The following ELL variants were observed in gnomAD, a reference collection of about 807,000 sequenced individuals.
ELL encodes RNA polymerase II elongation factor ELL.
Under a neutral mutation model 64.0 loss-of-function variants are expected in ELL, and 18 were observed. The observed-to-expected ratio is 0.28, with a 90% confidence interval of 0.19 to 0.42. The LOEUF (loss-of-function observed/expected upper bound fraction) is 0.42. ELL is among the 10% of genes least tolerant of loss of function. The pLI, the probability that ELL is intolerant of heterozygous loss-of-function variation, is 1.00. For synonymous variants in ELL, 399 were observed against 376.2 expected, an observed-to-expected ratio of 1.06 and a Z score of -0.70; for missense variants, 797 against 870.4, an observed-to-expected ratio of 0.92 and a Z score of 1.06.
Position 18,522,027 on chromosome 19 carries a change from T to G in ELL, c.29A>C (p.Tyr10Ser). Residue 10 changes from tyrosine (Y) to serine (S), a missense_variant, in exon 1 of 12, where the codon TAC (tyrosine) becomes TCC (serine). Tyr to Ser is a moderately radical substitution (Grantham distance 144). Transcript: ENST00000262809. Reference protein sequence around the residue: MAALKEDRSYGLSCGRVSDG... With the variant: MAALKEDRSSGLSCGRVSDG... ...GCTAACCCGCCCGCACGACAGCCCG[T>G]AGCTCCTATCCTCCTTCAGCGCCGC... The G allele has an allele frequency of 6.2e-7, 1 of 1,609,992 alleles. No homozygotes were observed. Among genetic ancestry groups the G allele is most frequent in the Non-Finnish European group, 8.5e-7 (1 of 1,178,154 alleles).
intron 1 of ELL, among the ~76,000 whole-genome samples, chr19:18,498,108 C>T (rs1180464624): frequency 1.3e-5 from 2 of 150,760 alleles, no homozygotes; most frequent in African/African-American, 4.9e-5. Context: ...TCCTGGGCAA[C>T]AAGAGCGAAA....
At chr19:18,456,836 A>C (rs1384552857) in intron 6 of ELL, among the ~76,000 whole-genome samples, 2 of 152,072 alleles carry the variant, frequency 1.3e-5, no homozygotes, top group African/African-American at 2.4e-5. Flanking sequence ...GCACTAGGCT[A>C]ACGGCCTGCA....
At chr19:18,461,488 A>T in intron 5 of ELL, 90 bp downstream of exon 5, 8 of 1,522,844 alleles carry the variant, frequency 5.3e-6, no homozygotes, top group Non-Finnish European at 7.0e-6. Context: ...GCCAGTCCCA[A>T]TCCCAGTCTC....
chr19:18,474,984 C>T (rs1295111546), intron 1 of ELL, among the ~76,000 whole-genome samples: 2 of 152,082 alleles, frequency 1.3e-5, no homozygotes, highest in African/African-American at 2.4e-5. Context: ...ATTAGCTGGG[C>T]GTGGCAGTGG....
At chr19:18,473,369 T>G (rs541110201) in intron 1 of ELL, among the ~76,000 whole-genome samples, 3 of 152,332 alleles carry the variant, frequency 2.0e-5, no homozygotes, top group East Asian at 3.9e-4. Context: ...GCTGATCCCC[T>G]GAAACCACCA....
chr19:18,465,818 C>T lies in ELL; in HGVS notation c.284G>A (p.Cys95Tyr), dbSNP rs1031561891. 2 of 1,371,902 alleles carry T rather than the reference C, an allele frequency of 1.5e-6. No homozygotes were observed. Among genetic ancestry groups the T allele is most frequent in the Non-Finnish European group, 1.9e-6 (2 of 1,053,462 alleles). The allele number at this position is 1,371,902 out of a possible 1,614,324, so 85.0% of individuals were successfully genotyped here. The part of the protein sequence containing the change: ...GRDNPQGSFD[C>Y]IQQYVSSHGE... The stretch of plus-strand genomic sequence containing the variant: ...TCACCTGGAGACATACTGCTGGATG[C>T]AGTCGAAGCTGCCCTGGGGGTTGTC... The change falls in exon 3 of 12, where the codon TGC becomes TAC. Residue 95 changes from cysteine (C) to tyrosine (Y), a missense_variant. Transcript: ENST00000262809.
chr19:18,489,771 T>C (rs533204626), intron 1 of ELL, among the ~76,000 whole-genome samples: 13 of 152,094 alleles, frequency 8.5e-5, no homozygotes, highest in Non-Finnish European at 1.9e-4. Context: ...TTTCCAACTG[T>C]GAGGGCTCAC....
Position 18,461,845 on chromosome 19 carries a change from C to A in ELL, c.477G>T (p.Lys159Asn). The change falls in exon 5 of 12, where the codon AAG becomes AAT. Residue 159 changes from lysine to asparagine, a missense_variant. By Grantham distance (94) the Lys-to-Asn change is moderately conservative. Transcript: ENST00000262809. ...IKAGGRYLGK[K>N]VQFRKPAPGA... ...CTGGGGCTGGTTTCCGAAACTGAAC[C>A]TTCTTGCCTGCAACAAGAATCCAAG... The A allele has an allele frequency of 6.2e-7, 1 of 1,611,316 alleles. No individual in the cohort carries two copies. The highest frequency in any genetic ancestry group is 1.1e-5 in the South Asian group (1 of 90,910).
chr19:18,495,551 G>A (rs972525402), intron 1 of ELL, among the ~76,000 whole-genome samples: 3 of 152,148 alleles, frequency 2.0e-5, no homozygotes, highest in Non-Finnish European at 4.4e-5. Flanking sequence ...GCAGCGCCCC[G>A]CATGAGGGTG....
chr19:18,506,506 C>T (rs910492258), intron 1 of ELL, among the ~76,000 whole-genome samples: 5 of 152,196 alleles, frequency 3.3e-5, no homozygotes, highest in Admixed American at 1.3e-4. Flanking sequence ...GCAGGAAGTT[C>T]GTTTGAGGTC....
intron 1 of ELL, among the ~76,000 whole-genome samples, chr19:18,519,270 C>T (rs1279300391): frequency 1.3e-5 from 2 of 152,032 alleles, no homozygotes; most frequent in Non-Finnish European, 2.9e-5. Flanking sequence ...AAGCCCTCTC[C>T]ACAAGTTGCA....
chr19:18,457,052 G>A (rs904614592), intron 6 of ELL, among the ~76,000 whole-genome samples: 4 of 152,050 alleles, frequency 2.6e-5, no homozygotes, highest in Non-Finnish European at 4.4e-5. Context: ...CCCCCTGCAC[G>A]CTAGTGGAAG....
Position 18,461,639 on chromosome 19 carries a change from C to T in ELL, c.683G>A (p.Arg228Gln). The T allele has an allele frequency of 2.5e-6, 4 of 1,611,636 alleles. No homozygotes were observed. Among genetic ancestry groups the T allele is most frequent in the Non-Finnish European group, 2.5e-6 (3 of 1,179,946 alleles). Residue 228 changes from arginine (R) to glutamine (Q), a missense_variant, in exon 5 of 12, where the codon CGA becomes CAA. Arg to Gln is a conservative substitution (Grantham distance 43). Coordinates refer to ENST00000262809, the MANE Select transcript of ELL (RefSeq NM_006532.4). ...RPYRKAELLL[R>Q]LQKDGLTQAD... The stretch of plus-strand genomic sequence containing the variant: ...CTGCGTCAGGCCGTCCTTCTGCAGT[C>T]GCAGCAGCAGCTCAGCCTTGCGGTA...
chr19:18,506,592 C>T (rs1253873336), intron 1 of ELL, among the ~76,000 whole-genome samples: 3 of 152,154 alleles, frequency 2.0e-5, no homozygotes, highest in Admixed American at 1.3e-4. Context: ...AGGTGTGGTG[C>T]CACGCACTTG....
chr19:18,446,225 A>AGCAG (rs11267755), intron 10 of ELL, 84 bp downstream of exon 10: 1 of 1,413,740 alleles, frequency 7.1e-7, no homozygotes, highest in Middle Eastern at 2.6e-4. Context: ...GGGGCCACCA[A>AGCAG]GCTCGTGGTG....
chr19:18,472,041 C>A (rs756354167), intron 2 of ELL, among the ~76,000 whole-genome samples: 15 of 152,054 alleles, frequency 9.9e-5, no homozygotes, highest in Non-Finnish European at 1.9e-4. Flanking sequence ...CGGCTCACTG[C>A]AACCTCCACC....
chr19:18,471,965 TTTC>T (rs920601235), intron 2 of ELL, among the ~76,000 whole-genome samples: 71 of 152,144 alleles, frequency 4.7e-4, no homozygotes, highest in African/African-American at 1.6e-3. Flanking sequence ...AATTTTTCTT[TTTC>T]TTTTTTTTTT....
chr19:18,446,917 T>C, intron 8 of ELL, 103 bp from the exon 9 acceptor site: 1 of 1,260,792 alleles, frequency 7.9e-7, no homozygotes. Context: ...ACTTTGCTGC[T>C]GGAGGGACAT....
Position 18,444,763 on chromosome 19 carries a change from C to T in ELL, c.1855G>A (p.Ala619Thr). Reference protein sequence around the residue: ...IAEYDQRQLQAWP With the variant: ...IAEYDQRQLQTWP Reference sequence around the variant, plus strand: ...ATCGGGGAGGGCGGCTAGGGCCAAGCCTGCAGCTGCCGCTGGTCGTACTCG... The same window carrying T: ...ATCGGGGAGGGCGGCTAGGGCCAAGTCTGCAGCTGCCGCTGGTCGTACTCG... Residue 619 changes from alanine to threonine, a missense_variant, in exon 12 of 12, where the codon GCT (alanine) becomes ACT (threonine). Transcript: ENST00000262809. The T allele has an allele frequency of 6.2e-7, 1 of 1,604,418 alleles. No homozygotes were observed.
Sources: gnomAD v4.1 joint callset for allele counts (sites outside exome capture counted in the v4.1 genomes callset) on GRCh38, gnomAD v4.1.1 for gene constraint, MANE v1.5 for transcripts, NCBI Gene and HGNC (gene_info 2026-07-23, HGNC 2026-07-21) for gene names.